The following SLC1A2 variants were observed in gnomAD, a reference collection of about 807,000 sequenced individuals.
SLC1A2 encodes solute carrier family 1 member 2.
Under a neutral mutation model 48.8 loss-of-function variants are expected in SLC1A2, and 15 were observed. The ratio of observed to expected loss-of-function variants is 0.31; its 90% confidence interval spans 0.21 to 0.47. SLC1A2 has a LOEUF of 0.47. SLC1A2 is among the 20% of genes least tolerant of loss of function. SLC1A2 has a pLI of 0.99. For synonymous variants in SLC1A2, 279 were observed against 272.6 expected (o/e 1.02, Z -0.23); for missense variants, 502 against 730.5 (o/e 0.69, Z 3.61).
chr11:35,379,234 A>T (rs1854339438), intron 1 of SLC1A2, among the ~76,000 whole-genome samples: 1 of 152,338 alleles, frequency 6.6e-6, no homozygotes, highest in African/African-American at 2.4e-5. Context: ...TGTCTCAAAA[A>T]AAAAGAAAAA....
intron 9 of SLC1A2, among the ~76,000 whole-genome samples, chr11:35,277,713 G>A (rs762400185): frequency 6.6e-6 from 1 of 152,206 alleles, no homozygotes; most frequent in Non-Finnish European, 1.5e-5. Context: ...AAGGGTTTAA[G>A]TAAGCAACAA....
intron 4 of SLC1A2, among the ~76,000 whole-genome samples, chr11:35,309,663 C>T (rs763443436): frequency 1.3e-5 from 2 of 152,180 alleles, no homozygotes; most frequent in African/African-American, 4.8e-5. Context: ...CTCCTCCACT[C>T]AAGACAGGTT....
At chr11:35,285,736 A>C (rs1364332957) in intron 8 of SLC1A2, 1 of 152,270 alleles carries the variant, frequency 6.6e-6, no homozygotes, top group Non-Finnish European at 1.5e-5. Flanking sequence ...GTCTCATAAG[A>C]GGATGAAATT....
chr11:35,370,927 A>G, intron 1 of SLC1A2: 1 of 981,774 alleles, frequency 1.0e-6, no homozygotes, highest in South Asian at 4.7e-5. Flanking sequence ...TACATGAAAT[A>G]TATGAAAACT....
At chr11:35,284,543 T>TTGTGTG (rs34712517) in intron 8 of SLC1A2, among the ~76,000 whole-genome samples, 17,471 of 149,992 alleles carry the variant, frequency 0.12, 1,057 homozygotes, top group East Asian at 0.16. Flanking sequence ...TGTTTTCATA[T>TTGTGTG]TGTGTGTGTG....
At chr11:35,411,692 G>C (rs375422253) in intron 1 of SLC1A2, among the ~76,000 whole-genome samples, 7 of 132,306 alleles carry the variant, frequency 5.3e-5, no homozygotes, top group African/African-American at 2.1e-4. Context: ...ATATCTAAGA[G>C]AGAAGAATGA....
At chr11:35,273,252 G>A (rs1214650321) in intron 9 of SLC1A2, among the ~76,000 whole-genome samples, 1 of 152,156 alleles carries the variant, frequency 6.6e-6, no homozygotes, top group Non-Finnish European at 1.5e-5. Flanking sequence ...CCCCAAACCC[G>A]AGGAAGGCTG....
chr11:35,342,114 T>C (rs1032406972), intron 1 of SLC1A2, among the ~76,000 whole-genome samples: 1 of 152,190 alleles, frequency 6.6e-6, no homozygotes, highest in Admixed American at 6.5e-5. Context: ...TGCAGACAGG[T>C]GTGTAAATGG....
chr11:35,334,718 T>C (rs961786306), intron 1 of SLC1A2, among the ~76,000 whole-genome samples: 1 of 151,936 alleles, frequency 6.6e-6, no homozygotes, highest in Non-Finnish European at 1.5e-5. Flanking sequence ...TGCTGAGACA[T>C]GACTTCAGCC....
chr11:35,409,435 A>G (rs1056338582), intron 1 of SLC1A2, among the ~76,000 whole-genome samples: 2 of 152,094 alleles, frequency 1.3e-5, no homozygotes, highest in African/African-American at 4.8e-5. Context: ...ATTCCTTCTG[A>G]CCCCTTCCAT....
intron 1 of SLC1A2, among the ~76,000 whole-genome samples, chr11:35,405,105 A>C (rs888861478): frequency 1.5e-4 from 23 of 152,204 alleles, no homozygotes; most frequent in Non-Finnish European, 4.4e-5. Context: ...GATGCCAGCC[A>C]TGGTTTTTCT....
At chr11:35,337,821 G>A (rs989915664) in intron 1 of SLC1A2, among the ~76,000 whole-genome samples, 2 of 152,156 alleles carry the variant, frequency 1.3e-5, no homozygotes, top group Non-Finnish European at 2.9e-5. Context: ...CTATGAGTAT[G>A]TGGAGGGGAA....
chr11:35,370,550 GC>G (rs1472225521), intron 1 of SLC1A2, among the ~76,000 whole-genome samples: 1 of 152,202 alleles, frequency 6.6e-6, no homozygotes, highest in Non-Finnish European at 1.5e-5. Context: ...ATACTCAGCA[GC>G]CTGACAGAGG....
intron 1 of SLC1A2, among the ~76,000 whole-genome samples, chr11:35,342,943 T>G (rs1308764506): frequency 1.3e-5 from 2 of 152,166 alleles, no homozygotes; most frequent in African/African-American, 2.4e-5. Context: ...TAGCCCCAAG[T>G]TGGTCTTGAC....
At chr11:35,389,646 T>C (rs1040539341) in intron 1 of SLC1A2, among the ~76,000 whole-genome samples, 1 of 152,082 alleles carries the variant, frequency 6.6e-6, no homozygotes, top group Non-Finnish European at 1.5e-5. Flanking sequence ...AATTTTTGTA[T>C]TTTTAGTAGA....
chr11:35,407,731 T>G (rs1315086111), intron 1 of SLC1A2, among the ~76,000 whole-genome samples: 1 of 152,124 alleles, frequency 6.6e-6, no homozygotes, highest in Admixed American at 6.5e-5. Flanking sequence ...TGCAGCACTG[T>G]CGGCCACTTC....
chr11:35,357,275 T>C (rs1049239489), intron 1 of SLC1A2, among the ~76,000 whole-genome samples: 13 of 142,794 alleles, frequency 9.1e-5, no homozygotes, highest in African/African-American at 3.4e-4. Context: ...AAAAAAAAAG[T>C]AAGAGTTTTT....
intron 6 of SLC1A2, chr11:35,299,518 TAGC>T (rs1851285434): frequency 6.6e-6 from 1 of 152,128 alleles, no homozygotes; most frequent in African/African-American, 2.4e-5. Context: ...GTTATTTCAC[TAGC>T]ATCCTTTCTG....
At chr11:35,272,955 T>G (rs1850326328) in intron 9 of SLC1A2, among the ~76,000 whole-genome samples, 1 of 152,170 alleles carries the variant, frequency 6.6e-6, no homozygotes, top group South Asian at 2.1e-4. Context: ...CATCTTCATC[T>G]CTCAGTCTAA....
Sources: allele counts gnomAD v4.1 joint callset (sites outside exome capture counted in the v4.1 genomes callset), GRCh38; gene constraint gnomAD v4.1.1; transcripts MANE v1.5; gene names NCBI Gene and HGNC (gene_info 2026-07-23, HGNC 2026-07-21).